Variants in SGK1 observed in about 807,000 individuals in gnomAD.
SGK1 encodes serine/threonine-protein kinase Sgk1.
In SGK1, 26 loss-of-function variants were observed where a neutral mutation model predicts 64.2. The observed-to-expected ratio is 0.40, with a 90% CI of 0.30 to 0.56. The LOEUF (loss-of-function observed/expected upper bound fraction) is 0.56, where lower values mean the gene tolerates loss of function less well. Ranked by LOEUF, SGK1 falls within the 20% of genes least tolerant of loss-of-function variation. SGK1 has a pLI of 0.38. For missense variants in SGK1, 519 were observed against 645.6 expected, an observed-to-expected ratio of 0.80 and a Z score of 2.12; for synonymous variants, 265 against 239.7, an observed-to-expected ratio of 1.11 and a Z score of -0.98.
rs1005513522 is a variant in SGK1, at chr6:134,289,603, CT to C, written c.70-27456del. Among the ~76,000 whole-genome samples, 234 of 151,612 alleles carry C rather than the reference CT, an allele frequency of 1.5e-3. 4 individuals are homozygous for C. The highest frequency in any genetic ancestry group is 5.3e-3 in the African/African-American group (220 of 41,312). ...TTATTAATGAAATATTTTATATTCT[CT>C]TTTTTTTTCCATACTGTGTTTAAAA... On this transcript the variant is annotated intron_variant, in intron 1 of 13. Coordinates refer to ENST00000367858, the MANE Select transcript of SGK1 (RefSeq NM_001143676.3).
chr6:134,198,716 C>CTTTTTT (rs1775632628), intron 3 of SGK1, among the ~76,000 whole-genome samples: 3 of 92,670 alleles, frequency 3.2e-5, no homozygotes, highest in South Asian at 3.4e-4. Flanking sequence ...TCTTCTTTTT[C>CTTTTTT]TCTTTTTCTA....
chr6:134,244,127 C>T (rs932612336), intron 2 of SGK1, among the ~76,000 whole-genome samples: 21 of 152,018 alleles, frequency 1.4e-4, no homozygotes, highest in African/African-American at 5.1e-4. Context: ...TCCCTCCCAC[C>T]CCACCCCCTG....
chr6:134,308,267 T>C (rs762242273), intron 1 of SGK1, among the ~76,000 whole-genome samples: 31 of 152,274 alleles, frequency 2.0e-4, no homozygotes, highest in Non-Finnish European at 4.1e-4. Flanking sequence ...ATAAACATTA[T>C]AAATACATAT....
At chr6:134,182,487 C>A (rs1763529) in intron 3 of SGK1, among the ~76,000 whole-genome samples, 1 of 150,382 alleles carries the variant, frequency 6.6e-6, no homozygotes, top group African/African-American at 2.5e-5. Context: ...CACAGCGAGA[C>A]TCCGTCTAAA....
rs7761980 is a variant in SGK1, at chr6:134,246,886, C to T, written c.285+15047G>A. ...GGGAGCCACTGTGCCTGGCCAAGTT[C>T]GTATTATGATTCATTTTATAAATGG... On this transcript the variant is annotated intron_variant, in intron 2 of 13. Coordinates refer to ENST00000367858, the MANE Select transcript of SGK1 (RefSeq NM_001143676.3). Among the ~76,000 whole-genome samples, 716 of 152,198 alleles carry T rather than the reference C, an allele frequency of 4.7e-3. 8 individuals are homozygous for T. Among genetic ancestry groups the T allele is most frequent in the African/African-American group, 0.017 (703 of 41,520 alleles).
At chr6:134,193,203 T>TTA (rs1325460384) in intron 3 of SGK1, among the ~76,000 whole-genome samples, 1 of 152,250 alleles carries the variant, frequency 6.6e-6, no homozygotes, top group African/African-American at 2.4e-5. Context: ...GCAGCTCAGC[T>TTA]TAGTATGTTC....
rs144299966 is a variant in SGK1, at chr6:134,253,298, T to C, written c.285+8635A>G. ...GGAGTTCGTCTTTTGTTTTTCTTTTTTTTTTTTTCTTTTTGTGGAGAACGG... is the reference window on the plus strand; with the variant it reads ...GGAGTTCGTCTTTTGTTTTTCTTTTCTTTTTTTTCTTTTTGTGGAGAACGG... On this transcript the variant is annotated intron_variant, in intron 2 of 13. Coordinates refer to ENST00000367858, the MANE Select transcript of SGK1 (RefSeq NM_001143676.3). Among the ~76,000 whole-genome samples, 253 of 151,824 alleles carry C rather than the reference T, an allele frequency of 1.7e-3. 1 individual carries two copies. The highest frequency in any genetic ancestry group is 5.4e-3 in the Admixed American group (82 of 15,230).
chr6:134,289,111 C>T (rs1374840102), intron 1 of SGK1, among the ~76,000 whole-genome samples: 1 of 152,172 alleles, frequency 6.6e-6, no homozygotes, highest in Admixed American at 6.5e-5. Flanking sequence ...CTGTCTGAAT[C>T]AGCAGTCTTG....
intron 3 of SGK1, among the ~76,000 whole-genome samples, chr6:134,183,435 T>C (rs1449711734): frequency 6.6e-6 from 1 of 152,210 alleles, no homozygotes. Flanking sequence ...TACCCATTAA[T>C]GTGAATGGGT....
chr6:134,199,573 A>AAAG (rs1173782236), intron 3 of SGK1, among the ~76,000 whole-genome samples: 4 of 151,164 alleles, frequency 2.6e-5, no homozygotes, highest in Non-Finnish European at 5.9e-5. Flanking sequence ...AAAAAAAAAA[A>AAAG]AAAAGAAAGA....
At chr6:134,180,843 G>A (rs1164302983) in intron 3 of SGK1, among the ~76,000 whole-genome samples, 4 of 148,476 alleles carry the variant, frequency 2.7e-5, no homozygotes, top group East Asian at 2.0e-4. Context: ...CTGCACTCTC[G>A]CCGGGGCAAC....
At chr6:134,317,254 C>T (rs770663805) in intron 1 of SGK1, 138 bp downstream of exon 1, 16 of 709,770 alleles carry the variant, frequency 2.3e-5, no homozygotes, top group Non-Finnish European at 4.1e-5. Context: ...GTATAGTTCT[C>T]AGCTTTACCA....
intron 1 of SGK1, among the ~76,000 whole-genome samples, chr6:134,280,181 A>T (rs576012128): frequency 5.5e-4 from 82 of 149,880 alleles, no homozygotes; most frequent in Admixed American, 1.1e-3. Context: ...GGCAACAGGC[A>T]GAATGAGACA....
intron 1 of SGK1, among the ~76,000 whole-genome samples, chr6:134,313,027 C>G (rs928599180): frequency 6.6e-6 from 1 of 152,166 alleles, no homozygotes; most frequent in Non-Finnish European, 1.5e-5. Context: ...CCTGCCTAAC[C>G]CTCCCAAAGT....
chr6:134,215,044 G>A (rs1284163859), intron 2 of SGK1: 1 of 455,570 alleles, frequency 2.2e-6, no homozygotes, highest in Non-Finnish European at 4.4e-6. Context: ...GGGTGTATGA[G>A]AATATCACAT....
At chr6:134,192,673 G>C (rs544020037) in intron 3 of SGK1, among the ~76,000 whole-genome samples, 1 of 149,910 alleles carries the variant, frequency 6.7e-6, no homozygotes, top group East Asian at 2.0e-4. Context: ...GGGTTCAAGC[G>C]ATTCCCCCAC....
intron 10 of SGK1, chr6:134,171,986 C>T: frequency 1.4e-6 from 1 of 702,994 alleles, no homozygotes; most frequent in Non-Finnish European, 2.4e-6. Flanking sequence ...GCAGATCTTA[C>T]TTACAAACAG....
At chr6:134,174,184 CACTGTTTAA>C in intron 4 of SGK1, 104 bp from the exon 5 acceptor site, 1 of 800,960 alleles carries the variant, frequency 1.2e-6, no homozygotes, top group Non-Finnish European at 2.1e-6. Flanking sequence ...CCGGATAATT[CACTGTTTAA>C]ACTGAAAATA....
In SGK1 at chr6:134,170,352, G is replaced by C; in HGVS notation, c.1497C>G (p.Ser499Arg). 7 of 1,614,072 alleles carry C rather than the reference G, an allele frequency of 4.3e-6. No individual in the cohort carries two copies. Among genetic ancestry groups the C allele is most frequent in the Non-Finnish European group, 5.9e-6 (7 of 1,179,938 alleles). Reference sequence around the variant, plus strand: ...CCTTGACGCTGGCTGTGACGAGGACGCTGTCAGGGGACTTGCCAATGGAGT... The same window carrying C: ...CCTTGACGCTGGCTGTGACGAGGACCCTGTCAGGGGACTTGCCAATGGAGT... ...VPNSIGKSPD[S>R]VLVTASVKEA... Residue 499 changes from serine to arginine, a missense_variant, in exon 14 of 14, where the codon AGC becomes AGG. By Grantham distance (110) the Ser-to-Arg change is moderately radical. Transcript: ENST00000367858.
Sources: allele counts gnomAD v4.1 joint callset (sites outside exome capture counted in the v4.1 genomes callset), GRCh38; gene constraint gnomAD v4.1.1; transcripts MANE v1.5; gene names NCBI Gene and HGNC (gene_info 2026-07-23, HGNC 2026-07-21).